Variants in TOM1 observed in about 807,000 individuals in gnomAD.
The protein encoded by TOM1 is target of Myb protein 1.
A neutral mutation model predicts 61.3 loss-of-function variants in TOM1; 38 were observed. The observed-to-expected ratio is 0.62, with a 90% CI of 0.48 to 0.81. TOM1 has a LOEUF of 0.81. Ranked by LOEUF, TOM1 falls within the 40% of genes least tolerant of loss-of-function variation. TOM1 has a pLI of 0.00. For missense variants in TOM1, 591 were observed against 659.6 expected (o/e 0.90, Z 1.14); for synonymous variants, 270 against 268.8 (o/e 1.00, Z -0.04).
Position 35,317,869 on chromosome 22 carries a change from C to T in TOM1, c.53-8C>T. 1 of 1,613,598 alleles carries T rather than the reference C, an allele frequency of 6.2e-7. No homozygotes were observed. Among genetic ancestry groups the T allele is most frequent in the Non-Finnish European group, 8.5e-7 (1 of 1,179,524 alleles). ...CTCATGACTTTATGACTCCTGGTTT[C>T]TTCTCAGAGAAAGCCACAGATGGCT... On this transcript the variant is annotated splice_region_variant and splice_polypyrimidine_tract_variant and intron_variant, in intron 1 of 14. Transcript: ENST00000449058.
intron 13 of TOM1, among the ~76,000 whole-genome samples, 191 bp downstream of exon 13, chr22:35,345,975 C>T (rs938662967): frequency 6.6e-6 from 1 of 152,236 alleles, no homozygotes; most frequent in Non-Finnish European, 1.5e-5. Flanking sequence ...GTCCTGGGCA[C>T]AGTAGCCTCT....
At chr22:35,325,319 T>C (rs994913652) in intron 6 of TOM1, among the ~76,000 whole-genome samples, 1 of 152,220 alleles carries the variant, frequency 6.6e-6, no homozygotes, top group African/African-American at 2.4e-5. Context: ...CTAACCTATT[T>C]GAAGAGAAAC....
Position 35,323,078 on chromosome 22 carries a change from G to T in TOM1, c.267G>T (p.Val89=). 1 of 1,614,166 alleles carries T rather than the reference G, an allele frequency of 6.2e-7. No homozygotes were observed. Among genetic ancestry groups the T allele is most frequent in the South Asian group, 1.1e-5 (1 of 91,078 alleles). Residue 89 remains valine (V), a synonymous_variant, in exon 4 of 15, where the codon GTG becomes GTT. Coordinates refer to ENST00000449058, the MANE Select transcript of TOM1 (RefSeq NM_005488.3). This position sits in a 1 kb window ranked among gnomAD's most constrained non-coding sequence, Gnocchi z 4.2. ...GCGGGCACCGCTTCCACGTGCTGGT[G>T]GCCAGCCAGGACTTCGTGGAGAGTG... ...KNCGHRFHVL[V]ASQDFVESVL... is the part of the protein sequence containing the mutation.
In TOM1 at chr22:35,346,223, C is replaced by T. The variant is rs1050715363; in HGVS notation, c.1284+439C>T. 2.6e-5 allele frequency among the ~76,000 whole-genome samples: 4 copies of T among 152,298 alleles called. No individual in the cohort carries two copies. In the East Asian group the frequency reaches 5.8e-4, roughly 22 times the overall value. On this transcript the variant is annotated intron_variant, in intron 13 of 14. Transcript: ENST00000449058. Reference sequence around the variant, plus strand: ...GGGGAAGCACCCAGGAGGAGGAGGGCGGGTGCCAGTCATGGGGACCCCAAG... The same window carrying T: ...GGGGAAGCACCCAGGAGGAGGAGGGTGGGTGCCAGTCATGGGGACCCCAAG...
chr22:35,318,055 C>G, intron 2 of TOM1, 94 bp downstream of exon 2: 1 of 1,121,048 alleles, frequency 8.9e-7, no homozygotes, highest in South Asian at 1.2e-5. Context: ...TGCCCCAGCC[C>G]CATTGCTGCC....
Position 35,345,172 on chromosome 22 carries a change from T to C in TOM1, c.1225-553T>C, listed in dbSNP as rs555496906. Reference sequence around the variant, plus strand: ...CTCTGGGTCTACCCACCTGGCCTTGTCTGGTTAACTTCGCGCCTCTGCTCT... The same window carrying C: ...CTCTGGGTCTACCCACCTGGCCTTGCCTGGTTAACTTCGCGCCTCTGCTCT... On this transcript the variant is annotated intron_variant, in intron 12 of 14. Transcript: ENST00000449058. 2.1e-3 allele frequency: 331 copies of C among 161,154 alleles called. 2 individuals carry two copies. The highest frequency in any genetic ancestry group is 7.8e-3 in the African/African-American group (325 of 41,934). The allele number at this position is 161,154 out of a possible 1,614,324, so 10.0% of individuals were successfully genotyped here.
In TOM1 at chr22:35,317,896, C is replaced by T; in HGVS notation, c.72C>T (p.Ser24=). ...GQRIEKATDG[S]LQSEDWALNM... Reference sequence around the variant, plus strand: ...TCTCAGAGAAAGCCACAGATGGCTCCCTGCAGAGCGAGGACTGGGCCCTCA... The same window carrying T: ...TCTCAGAGAAAGCCACAGATGGCTCTCTGCAGAGCGAGGACTGGGCCCTCA... Residue 24 remains serine (S), a synonymous_variant, in exon 2 of 15, where the codon TCC becomes TCT. Transcript: ENST00000449058. 6.2e-7 allele frequency: 1 copy of T among 1,614,140 alleles called. No individual in the cohort carries two copies. The highest frequency in any genetic ancestry group is 8.5e-7 in the Non-Finnish European group (1 of 1,180,012).
chr22:35,322,824 C>T (rs1476710854), intron 3 of TOM1, among the ~76,000 whole-genome samples: 3 of 152,204 alleles, frequency 2.0e-5, no homozygotes, highest in East Asian at 1.9e-4. Flanking sequence ...TACCTCTGCC[C>T]ACCCTAGGCC....
intron 1 of TOM1, among the ~76,000 whole-genome samples, chr22:35,306,817 G>A (rs1267670474): frequency 6.6e-6 from 1 of 152,186 alleles, no homozygotes; most frequent in African/African-American, 2.4e-5. Flanking sequence ...CCTTTGTGAT[G>A]GTCTTTGTGT....
intron 1 of TOM1, among the ~76,000 whole-genome samples, chr22:35,311,775 GA>G (rs1321643747): frequency 6.6e-6 from 1 of 152,236 alleles, no homozygotes; most frequent in East Asian, 1.9e-4. Context: ...GACAGTTGGG[GA>G]TGTGGGGAGG....
At chr22:35,331,861 C>G (rs907484100) in intron 8 of TOM1, among the ~76,000 whole-genome samples, 1 of 151,840 alleles carries the variant, frequency 6.6e-6, no homozygotes, top group Admixed American at 6.6e-5. Flanking sequence ...GCACTCCAGC[C>G]TAGGCGACAG....
chr22:35,314,668 TGA>T (rs1317336730), intron 1 of TOM1, among the ~76,000 whole-genome samples: 4 of 152,036 alleles, frequency 2.6e-5, no homozygotes, highest in South Asian at 4.2e-4. Context: ...TGGGGACCAC[TGA>T]GAGGCCTGCC....
chr22:35,300,651 G>T (rs1335361877), intron 1 of TOM1, among the ~76,000 whole-genome samples: 1 of 152,128 alleles, frequency 6.6e-6, no homozygotes, highest in Non-Finnish European at 1.5e-5. Context: ...CGTAGGTGGG[G>T]CAGCCGGGAA....
intron 1 of TOM1, among the ~76,000 whole-genome samples, chr22:35,301,183 C>T (rs1323442497): frequency 6.6e-6 from 1 of 152,042 alleles, no homozygotes; most frequent in Non-Finnish European, 1.5e-5. Flanking sequence ...GCCCTGATGG[C>T]GCCACTGTAC....
intron 11 of TOM1, 51 bp downstream of exon 11, chr22:35,334,499 G>T (rs778361543): frequency 1.2e-6 from 2 of 1,608,630 alleles, no homozygotes; most frequent in Non-Finnish European, 1.7e-6. Flanking sequence ...TGGCTCTCGG[G>T]GTTCTGGAAC....
At chr22:35,305,284 TC>T (rs2145606574) in intron 1 of TOM1, among the ~76,000 whole-genome samples, 1 of 152,244 alleles carries the variant, frequency 6.6e-6, no homozygotes, top group Admixed American at 6.5e-5. Flanking sequence ...GCTGTCATTC[TC>T]CCTCTGCTTC....
intron 1 of TOM1, among the ~76,000 whole-genome samples, chr22:35,313,594 G>T (rs1927026675): frequency 6.6e-6 from 1 of 152,186 alleles, no homozygotes; most frequent in African/African-American, 2.4e-5. Context: ...AGACTCAGAG[G>T]GGCTGGATCT....
At position 35,313,622 on chromosome 22, in the gene TOM1, G is replaced by A. The variant is rs570453126; in HGVS notation, c.53-4255G>A. Among the ~76,000 whole-genome samples the A allele has an allele frequency of 2.6e-5, 4 of 152,354 alleles. No individual in the cohort carries two copies. The South Asian group carries it at 8.3e-4, about 32-fold the overall frequency. ...CTGGATCTTTGCCCACATTCTATGAGTTAGGTCAGGCCAGACTCGTCCCAC... is the reference window on the plus strand; with the variant it reads ...CTGGATCTTTGCCCACATTCTATGAATTAGGTCAGGCCAGACTCGTCCCAC... On this transcript the variant is annotated intron_variant, in intron 1 of 14. Coordinates refer to ENST00000449058, the MANE Select transcript of TOM1 (RefSeq NM_005488.3).
In TOM1 at chr22:35,346,933, A is replaced by T. The variant is rs1474139351; in HGVS notation, c.1288A>T (p.Asn430Tyr). 3.7e-6 allele frequency: 6 copies of T among 1,612,492 alleles called. No homozygotes were observed. In the East Asian group the frequency reaches 1.3e-4, roughly 36 times the overall value. ...IEQWLSTDVG[N>Y]DAEEPKGVTS... ...TCCTTTCCTTCTACCTTCCCAGGGT[A>T]ATGATGCGGAAGAGCCTAAGGGGGT... The change falls in exon 14 of 15, where the codon AAT becomes TAT. Residue 430 changes from asparagine to tyrosine, a missense_variant. Physicochemically the swap from Asn to Tyr is moderately radical, Grantham distance 143. Coordinates refer to ENST00000449058, the MANE Select transcript of TOM1 (RefSeq NM_005488.3).
Sources: gnomAD v4.1 joint callset for allele counts (sites outside exome capture counted in the v4.1 genomes callset) on GRCh38, gnomAD v4.1.1 for gene constraint, Gnocchi (gnomAD v3.1) non-coding constraint, MANE v1.5 for transcripts, NCBI Gene and HGNC (gene_info 2026-07-23, HGNC 2026-07-21) for gene names.